The following CGGBP1 variants were observed in gnomAD, a reference collection of about 807,000 sequenced individuals.
CGGBP1 encodes the protein CGG triplet repeat-binding protein 1.
CGGBP1 carries 4 observed loss-of-function variants against 11.4 expected under a neutral mutation model. The observed-to-expected ratio is 0.35, with a 90% CI of 0.17 to 0.80. CGGBP1 has a LOEUF of 0.80. Ranked by LOEUF, CGGBP1 falls within the 30% of genes least tolerant of loss-of-function variation. The probability of loss-of-function intolerance (pLI) is 0.52; values close to 1 mark genes in which losing one functional copy is unlikely to be tolerated. For synonymous variants in CGGBP1, 76 were observed against 74.1 expected, an observed-to-expected ratio of 1.03 and a Z score of -0.13; for missense variants, 135 against 202.1, an observed-to-expected ratio of 0.67 and a Z score of 2.01.
At chr3:88,086,047 A>C (rs1463943651) in intron 2 of CGGBP1, among the ~76,000 whole-genome samples, 2 of 152,322 alleles carry the variant, frequency 1.3e-5, no homozygotes, top group Admixed American at 1.3e-4. Flanking sequence ...ACATTCATAC[A>C]CTATATTTTC....
chr3:88,072,499 C>T (rs1707570835), intron 2 of CGGBP1, among the ~76,000 whole-genome samples: 2 of 152,132 alleles, frequency 1.3e-5, no homozygotes, highest in African/African-American at 4.8e-5. Context: ...CTTTGCCACT[C>T]CTTGTACATA....
In CGGBP1 at chr3:88,112,489, T is replaced by G. The variant is rs1705152634; in HGVS notation, c.-229+28481A>C. Reference sequence around the variant, plus strand: ...AATTATTAAGAGCACATAAAGTATTTAGTAACAGTATTTCCAAATAATTTA... The same window carrying G: ...AATTATTAAGAGCACATAAAGTATTGAGTAACAGTATTTCCAAATAATTTA... On this transcript the variant is annotated intron_variant, in intron 2 of 3. Coordinates refer to the CGGBP1 transcript ENST00000462901. Among the ~76,000 whole-genome samples, 5 of 149,736 alleles carry G rather than the reference T, an allele frequency of 3.3e-5. No homozygotes were observed. The South Asian group carries it at 1.1e-3, about 32-fold the overall frequency.
At chr3:88,057,997 G>C (rs149683592) in intron 2 of CGGBP1, 22 bp downstream of exon 2, 8 of 152,336 alleles carry the variant, frequency 5.3e-5, no homozygotes, top group East Asian at 1.9e-4. Flanking sequence ...CTCATCATAA[G>C]TTTTCAAGTT....
chr3:88,058,258 T>C (rs1280034168), intron 1 of CGGBP1, 35 bp from the exon 2 acceptor site: 1 of 152,148 alleles, frequency 6.6e-6, no homozygotes, highest in Non-Finnish European at 1.5e-5. Context: ...AAGGAAAAAA[T>C]GGGGGACGGA....
chr3:88,086,265 A>G, intron 2 of CGGBP1: 1 of 1,533,478 alleles, frequency 6.5e-7, no homozygotes, highest in Non-Finnish European at 8.7e-7. Context: ...AGGTGGTTGA[A>G]GATTATGCTG....
intron 2 of CGGBP1, among the ~76,000 whole-genome samples, chr3:88,105,733 T>A (rs1704697991): frequency 2.0e-5 from 3 of 152,212 alleles, no homozygotes; most frequent in Admixed American, 2.0e-4. Flanking sequence ...AAATGGCATC[T>A]TGGTATATTT....
intron 2 of CGGBP1, among the ~76,000 whole-genome samples, chr3:88,124,900 C>T (rs539092876): frequency 1.4e-3 from 214 of 151,838 alleles, no homozygotes; most frequent in African/African-American, 5.0e-3. Context: ...TTGTCAAATT[C>T]GATTCTCTGA....
At chr3:88,130,366 AT>A in intron 2 of CGGBP1, among the ~76,000 whole-genome samples, 1 of 152,156 alleles carries the variant, frequency 6.6e-6, no homozygotes, top group Non-Finnish European at 1.5e-5. Flanking sequence ...GGCTATAAAC[AT>A]TTTTTTAAAT....
chr3:88,139,391 T>C (rs1706983709), intron 2 of CGGBP1: 1 of 1,613,552 alleles, frequency 6.2e-7, no homozygotes, highest in Non-Finnish European at 8.5e-7. Context: ...GTTTTGCATG[T>C]GTAATATGTG....
At chr3:88,083,304 T>A (rs2107652622) in intron 2 of CGGBP1, among the ~76,000 whole-genome samples, 1 of 152,346 alleles carries the variant, frequency 6.6e-6, no homozygotes, top group Admixed American at 6.5e-5. Flanking sequence ...TAGTTTTATG[T>A]TGTTTACATT....
At chr3:88,140,678 G>C (rs753618859) in intron 2 of CGGBP1, 3 of 1,613,658 alleles carry the variant, frequency 1.9e-6, no homozygotes, top group Non-Finnish European at 2.5e-6. Flanking sequence ...ACAGAATCAG[G>C]ACAGAAAATG....
chr3:88,105,244 G>A (rs1406816665), intron 2 of CGGBP1, among the ~76,000 whole-genome samples: 6 of 151,646 alleles, frequency 4.0e-5, no homozygotes, highest in African/African-American at 1.5e-4. Context: ...ACATATCCAT[G>A]CCCTTTTTTA....
chr3:88,108,401 G>A (rs1460633473), intron 2 of CGGBP1, among the ~76,000 whole-genome samples: 3 of 152,126 alleles, frequency 2.0e-5, no homozygotes, highest in African/African-American at 7.2e-5. Context: ...GGAAAATACA[G>A]TGTACAGTTT....
chr3:88,072,244 G>T (rs993691266), intron 2 of CGGBP1, among the ~76,000 whole-genome samples: 1 of 152,102 alleles, frequency 6.6e-6, no homozygotes, highest in African/African-American at 2.4e-5. Context: ...CAAACTATAG[G>T]TATCTTTCTC....
At chr3:88,079,721 A>G (rs1253366651) in intron 2 of CGGBP1, among the ~76,000 whole-genome samples, 1 of 152,034 alleles carries the variant, frequency 6.6e-6, no homozygotes, top group African/African-American at 2.4e-5. Flanking sequence ...ATATTTAGAG[A>G]TGCTTACTCC....
chr3:88,122,883 G>A (rs935491844), intron 2 of CGGBP1, among the ~76,000 whole-genome samples: 8 of 151,538 alleles, frequency 5.3e-5, no homozygotes, highest in African/African-American at 1.5e-4. Context: ...GGTGGTGGGC[G>A]CCTGTAATCT....
chr3:88,134,963 C>T, intron 2 of CGGBP1: 1 of 826,686 alleles, frequency 1.2e-6, no homozygotes, highest in Non-Finnish European at 1.7e-6. Context: ...CACTCATATA[C>T]ATCCCAGCCA....
chr3:88,115,523 C>T (rs997690249), intron 2 of CGGBP1, among the ~76,000 whole-genome samples: 2 of 152,132 alleles, frequency 1.3e-5, no homozygotes, highest in African/African-American at 2.4e-5. Context: ...GGTATGGGTT[C>T]TCAAGTCTTA....
chr3:88,101,434 C>T (rs540932543), intron 2 of CGGBP1, among the ~76,000 whole-genome samples: 49 of 152,100 alleles, frequency 3.2e-4, no homozygotes, highest in African/African-American at 7.7e-4. Flanking sequence ...AATAGTCTTG[C>T]GAAATAGTCA....
Sources: gnomAD v4.1 joint callset for allele counts (sites outside exome capture counted in the v4.1 genomes callset) on GRCh38, gnomAD v4.1.1 for gene constraint, MANE v1.5 for transcripts, NCBI Gene and HGNC (gene_info 2026-07-23, HGNC 2026-07-21) for gene names.